Variants in SVIL observed in about 807,000 individuals in gnomAD.
SVIL encodes the protein archvillin.
A neutral mutation model predicts 240.4 loss-of-function variants in SVIL; 101 were observed. That is an observed-to-expected ratio of 0.42 (90% CI 0.36 to 0.50). The LOEUF (loss-of-function observed/expected upper bound fraction) is 0.50, where lower values mean the gene tolerates loss of function less well. SVIL is among the 20% of genes least tolerant of loss of function. SVIL has a pLI of 0.01. For missense variants in SVIL, 2,512 were observed against 2,818.7 expected (o/e 0.89, Z 2.46); for synonymous variants, 999 against 1,100.0 (o/e 0.91, Z 1.82).
chr10:29,578,119 T>C (rs964739817), intron 1 of SVIL, among the ~76,000 whole-genome samples: 4 of 152,140 alleles, frequency 2.6e-5, no homozygotes, highest in Admixed American at 2.0e-4. Context: ...CCATTACTGA[T>C]TTGAAAAATT....
At chr10:29,491,414 G>C (rs1947943653) in intron 21 of SVIL, among the ~76,000 whole-genome samples, 1 of 151,992 alleles carries the variant, frequency 6.6e-6, no homozygotes, top group Admixed American at 6.6e-5. Context: ...GTCTGTTTCC[G>C]GCAAGCCCTT....
chr10:29,736,284 A>T (rs1030707871), upstream of SVIL, among the ~76,000 whole-genome samples: 2 of 152,150 alleles, frequency 1.3e-5, no homozygotes, highest in African/African-American at 4.8e-5. Flanking sequence ...ATCTTAAAAC[A>T]CCGGAAAGGC....
chr10:29,477,165 C>G (rs1465941365), intron 29 of SVIL, among the ~76,000 whole-genome samples: 4 of 152,158 alleles, frequency 2.6e-5, no homozygotes, highest in Non-Finnish European at 5.9e-5. Flanking sequence ...GCCCAGCCAG[C>G]TATTCTCTTT....
At position 29,545,853 on chromosome 10, in the gene SVIL, C is replaced by CAA. The variant is rs755360700; in HGVS notation, c.827+4742_827+4743dup. On this transcript the variant is annotated intron_variant, in intron 6 of 37. Coordinates refer to ENST00000355867, the MANE Select transcript of SVIL (RefSeq NM_021738.3). ...TTGGAGTCAGAGTGAGACTCTGTCT[C>CAA]AAAAAAAAAAAAAAAAAAAAAAAAA... Among the ~76,000 whole-genome samples, 141 of 63,554 alleles carry CAA rather than the reference C, an allele frequency of 2.2e-3. 3 individuals are homozygous for CAA. The highest frequency in any genetic ancestry group is 2.5e-3 in the Non-Finnish European group (86 of 34,836). The allele number at this position is 63,554 out of a possible 152,430, so 41.7% of individuals were successfully genotyped here. A position where few individuals can be genotyped will look rare whatever the true frequency, so the allele number is the denominator to read the frequency against.
chr10:29,699,921 A>G (rs1962376475), intron 1 of SVIL, among the ~76,000 whole-genome samples: 1 of 152,336 alleles, frequency 6.6e-6, no homozygotes, highest in African/African-American at 2.4e-5. Flanking sequence ...CCTTTCAACA[A>G]ATGTGGAAGG....
At chr10:29,529,658 A>T (rs761900223) in intron 12 of SVIL, 47 bp downstream of exon 12, 112 of 1,529,646 alleles carry the variant, frequency 7.3e-5, no homozygotes, top group Admixed American at 2.5e-4. Context: ...GTATTTTTTT[A>T]AAAAAAGACA....
At chr10:29,589,143 A>G (rs900683472) in intron 1 of SVIL, among the ~76,000 whole-genome samples, 6 of 152,246 alleles carry the variant, frequency 3.9e-5, no homozygotes, top group Non-Finnish European at 7.3e-5. Context: ...AAGGGAAAAA[A>G]AACAAGGATG....
intron 1 of SVIL, among the ~76,000 whole-genome samples, chr10:29,605,107 G>T (rs781541152): frequency 1.3e-5 from 2 of 152,146 alleles, no homozygotes; most frequent in Non-Finnish European, 2.9e-5. Context: ...GCAGAAGTGT[G>T]CAAAGTACTC....
At chr10:29,704,220 G>A (rs766083255) in intron 1 of SVIL, among the ~76,000 whole-genome samples, 2 of 152,072 alleles carry the variant, frequency 1.3e-5, no homozygotes, top group Non-Finnish European at 2.9e-5. Context: ...CCTCAGCCAC[G>A]TCTGTGCTTT....
At position 29,473,928 on chromosome 10, in the gene SVIL, G is replaced by A; in HGVS notation, c.5439C>T (p.Tyr1813=). ...VRAAGKEKCV[Y]FFWQGRHSTV... The stretch of plus-strand genomic sequence containing the variant: ...TGGAGTGCCGGCCTTGCCAGAAGAA[G>A]TAGACGCACTTCTCTTTGCCGGCTG... Residue 1813 remains tyrosine, a synonymous_variant, in exon 30 of 38, where the codon TAC becomes TAT. Transcript: ENST00000355867. The A allele has an allele frequency of 6.2e-7, 1 of 1,614,098 alleles. No individual in the cohort carries two copies. The highest frequency in any genetic ancestry group is 1.1e-5 in the South Asian group (1 of 91,076).
At chr10:29,490,199 C>T (rs1947813312) in intron 22 of SVIL, among the ~76,000 whole-genome samples, 1 of 152,026 alleles carries the variant, frequency 6.6e-6, no homozygotes, top group African/African-American at 2.4e-5. Flanking sequence ...GCTCAGGGTC[C>T]TACCAAGAAC....
At chr10:29,615,591 G>T (rs1957400530) in intron 1 of SVIL, among the ~76,000 whole-genome samples, 1 of 152,180 alleles carries the variant, frequency 6.6e-6, no homozygotes, top group Non-Finnish European at 1.5e-5. Context: ...GTGTCACAAA[G>T]CAAATTTTCA....
At chr10:29,599,195 C>T (rs937593349) in intron 1 of SVIL, among the ~76,000 whole-genome samples, 8 of 152,150 alleles carry the variant, frequency 5.3e-5, no homozygotes, top group African/African-American at 1.4e-4. Flanking sequence ...CCTGCAATCA[C>T]GAGTCTGGGC....
intron 3 of SVIL, among the ~76,000 whole-genome samples, chr10:29,655,734 T>C (rs1958979200): frequency 6.6e-6 from 1 of 152,220 alleles, no homozygotes; most frequent in African/African-American, 2.4e-5. Flanking sequence ...TGGATATCCT[T>C]GTCTTGTCTC....
Position 29,511,216 on chromosome 10 carries a change from G to A in SVIL, c.3516+1519C>T, listed in dbSNP as rs144868966. On this transcript the variant is annotated intron_variant, in intron 17 of 37. Coordinates refer to ENST00000355867, the MANE Select transcript of SVIL (RefSeq NM_021738.3). ...ACCTTAGCCAGCGTTCAGGTGGTTC[G>A]GATCTCATCCTCCACTCAAAGCCTT... Among the ~76,000 whole-genome samples, 51 of 138,918 alleles carry A rather than the reference G, an allele frequency of 3.7e-4. No homozygotes were observed. In the East Asian group the frequency reaches 9.4e-3, roughly 25 times the overall value. 91.1% of individuals were successfully genotyped at this position (138,918 alleles called of 152,430 possible).
At chr10:29,696,104 G>C (rs1374038625) in intron 1 of SVIL, among the ~76,000 whole-genome samples, 1 of 151,798 alleles carries the variant, frequency 6.6e-6, no homozygotes. Flanking sequence ...GGCGCGCGCC[G>C]CCACGCCTGA....
At chr10:29,501,872 A>G (rs1948924895) in intron 17 of SVIL, among the ~76,000 whole-genome samples, 1 of 152,212 alleles carries the variant, frequency 6.6e-6, no homozygotes, top group Non-Finnish European at 1.5e-5. Flanking sequence ...TCCAGCCATC[A>G]CTGTGGTGAT....
rs542422650 is a variant in SVIL at position 29,518,360 on chromosome 10, C to G, written c.3389+4050G>C. Among the ~76,000 whole-genome samples, 593 of 151,942 alleles carry G rather than the reference C, an allele frequency of 3.9e-3. 3 individuals carry two copies. Among genetic ancestry groups the G allele is most frequent in the African/African-American group, 0.014 (566 of 41,454 alleles). On this transcript the variant is annotated intron_variant, in intron 16 of 37. Coordinates refer to ENST00000355867, the MANE Select transcript of SVIL (RefSeq NM_021738.3). ...CCAAGATCGTGTCACTGCACTCCAGCGTGGGCTACAGAGTGAGACTCTTGT... is the reference window on the plus strand; with the variant it reads ...CCAAGATCGTGTCACTGCACTCCAGGGTGGGCTACAGAGTGAGACTCTTGT...
At position 29,523,445 on chromosome 10, in the gene SVIL, A is replaced by G. The variant is rs1469720493; in HGVS notation, c.3163+6T>C. 6.3e-7 allele frequency: 1 copy of G among 1,587,296 alleles called. No homozygotes were observed. The highest frequency in any genetic ancestry group is 2.2e-5 in the East Asian group (1 of 44,696). On this transcript the variant is annotated splice_donor_region_variant and intron_variant, in intron 15 of 37. Coordinates refer to ENST00000355867, the MANE Select transcript of SVIL (RefSeq NM_021738.3). ...TTCTAAAGCTTTAGGGGCACTGGTC[A>G]CTTACCTCTTAGTGAAAACTTCCTT... is the stretch of plus-strand genomic sequence containing the variant.
Sources: allele counts gnomAD v4.1 joint callset (sites outside exome capture counted in the v4.1 genomes callset), GRCh38; gene constraint gnomAD v4.1.1; transcripts MANE v1.5; gene names NCBI Gene and HGNC (gene_info 2026-07-23, HGNC 2026-07-21).